RALA: variants seen among roughly 807,000 people sequenced by gnomAD.
RALA encodes the protein ras-related protein Ral-A.
In RALA, 5 loss-of-function variants were observed where a neutral mutation model predicts 24.0. The ratio of observed to expected loss-of-function variants is 0.21; its 90% confidence interval spans 0.11 to 0.44. The LOEUF (loss-of-function observed/expected upper bound fraction) is 0.44. Among genes scored for constraint, RALA ranks in the 20% least tolerant of loss-of-function variants. RALA has a pLI of 0.99. For synonymous variants in RALA, 77 were observed against 83.8 expected, an observed-to-expected ratio of 0.92 and a Z score of 0.44; for missense variants, 95 against 241.2, an observed-to-expected ratio of 0.39 and a Z score of 4.01.
intron 1 of RALA, among the ~76,000 whole-genome samples, chr7:39,654,008 TTA>T: frequency 6.6e-6 from 1 of 152,288 alleles, no homozygotes; most frequent in Middle Eastern, 3.4e-3. Context: ...CTGATAGAAG[TTA>T]TATCCAGAAT....
chr7:39,674,793 T>C (rs1487223308), intron 1 of RALA, among the ~76,000 whole-genome samples: 3 of 151,332 alleles, frequency 2.0e-5, no homozygotes, highest in Non-Finnish European at 4.4e-5. Context: ...ACTTTATACA[T>C]ATAGCAGCCT....
At chr7:39,642,090 C>T (rs986770023) in intron 1 of RALA, among the ~76,000 whole-genome samples, 19 of 152,162 alleles carry the variant, frequency 1.2e-4, no homozygotes, top group African/African-American at 4.6e-4. Flanking sequence ...CACCTCTACC[C>T]ATCTTAGTTC....
chr7:39,663,821 G>A (rs936400246), intron 1 of RALA, among the ~76,000 whole-genome samples: 1 of 152,102 alleles, frequency 6.6e-6, no homozygotes, highest in Non-Finnish European at 1.5e-5. Flanking sequence ...AGCCATAGCT[G>A]TAGACTCCAA....
chr7:39,666,100 C>CT (rs928638322), intron 1 of RALA, among the ~76,000 whole-genome samples: 2 of 151,892 alleles, frequency 1.3e-5, no homozygotes, highest in South Asian at 2.1e-4. Context: ...TTTAATCTCC[C>CT]TTTTTTTTCT....
chr7:39,662,334 C>T (rs1005063502), intron 1 of RALA, among the ~76,000 whole-genome samples: 4 of 152,154 alleles, frequency 2.6e-5, no homozygotes, highest in Non-Finnish European at 1.5e-5. Context: ...TTTCTGCAGA[C>T]GGCTTGAATT....
At chr7:39,671,636 G>A (rs555033478) in intron 1 of RALA, among the ~76,000 whole-genome samples, 2 of 152,240 alleles carry the variant, frequency 1.3e-5, no homozygotes, top group Non-Finnish European at 1.5e-5. Context: ...TTAAGATTCT[G>A]TGCTTTGATG....
chr7:39,644,188 G>A (rs1164293544), intron 1 of RALA, among the ~76,000 whole-genome samples: 1 of 151,236 alleles, frequency 6.6e-6, no homozygotes, highest in Non-Finnish European at 1.5e-5. Flanking sequence ...TGGTCTTGCT[G>A]GGAAATTCCT....
intron 1 of RALA, among the ~76,000 whole-genome samples, chr7:39,635,554 C>T (rs1251867375): frequency 6.6e-6 from 1 of 152,168 alleles, no homozygotes; most frequent in Non-Finnish European, 1.5e-5. Context: ...TCTCTCTCTA[C>T]AGCAGTGGTC....
intron 1 of RALA, among the ~76,000 whole-genome samples, chr7:39,665,480 G>C (rs907349912): frequency 1.3e-5 from 2 of 152,144 alleles, no homozygotes; most frequent in Non-Finnish European, 1.5e-5. Context: ...ATTTTCGACT[G>C]CACACAGTGG....
At chr7:39,677,230 A>G (rs910392139) in intron 1 of RALA, among the ~76,000 whole-genome samples, 1 of 152,180 alleles carries the variant, frequency 6.6e-6, no homozygotes, top group Non-Finnish European at 1.5e-5. Flanking sequence ...CCCTGTTGGC[A>G]TCTTCTTTTT....
At chr7:39,625,638 T>A (rs1374365596) in intron 1 of RALA, among the ~76,000 whole-genome samples, 1 of 152,226 alleles carries the variant, frequency 6.6e-6, no homozygotes, top group Non-Finnish European at 1.5e-5. Context: ...GTTTGCTGAG[T>A]GTGCAATAAT....
intron 1 of RALA, among the ~76,000 whole-genome samples, chr7:39,643,428 G>A (rs1394014268): frequency 6.6e-6 from 1 of 152,152 alleles, no homozygotes; most frequent in Non-Finnish European, 1.5e-5. Flanking sequence ...GGAAGAAAGA[G>A]GCAGAAAAAC....
At chr7:39,658,757 AT>A (rs1263495103) in intron 1 of RALA, among the ~76,000 whole-genome samples, 1 of 151,276 alleles carries the variant, frequency 6.6e-6, no homozygotes, top group Non-Finnish European at 1.5e-5. Flanking sequence ...TTTTATTTTA[AT>A]TTTTTTTAGG....
At chr7:39,637,711 T>C (rs1484229860) in intron 1 of RALA, among the ~76,000 whole-genome samples, 1 of 152,240 alleles carries the variant, frequency 6.6e-6, no homozygotes, top group Non-Finnish European at 1.5e-5. Flanking sequence ...GAGAGTGCTA[T>C]TTCCTCCCAG....
chr7:39,669,601 C>CA (rs1792345134), intron 1 of RALA, among the ~76,000 whole-genome samples: 1 of 151,832 alleles, frequency 6.6e-6, no homozygotes, highest in Non-Finnish European at 1.5e-5. Context: ...CACTTGAGGC[C>CA]AGGAGTTCAA....
intron 1 of RALA, among the ~76,000 whole-genome samples, chr7:39,635,672 T>G (rs1007901127): frequency 4.6e-5 from 7 of 152,140 alleles, no homozygotes; most frequent in Non-Finnish European, 8.8e-5. Flanking sequence ...CCACTTCAAA[T>G]CATCAGGCAT....
chr7:39,678,639 A>G (rs915017872), intron 1 of RALA, among the ~76,000 whole-genome samples: 1 of 152,188 alleles, frequency 6.6e-6, no homozygotes, highest in African/African-American at 2.4e-5. Flanking sequence ...TAAGTCACAC[A>G]ATTTGGAATT....
chr7:39,698,570 G>T (rs2116104144), intron 4 of RALA, among the ~76,000 whole-genome samples: 1 of 152,194 alleles, frequency 6.6e-6, no homozygotes, highest in African/African-American at 2.4e-5. Context: ...TAAGATTGAG[G>T]GTGTTTGAGG....
rs1431573376 is a variant in RALA at position 39,707,005 on chromosome 7, A to G, written c.*760A>G. On this transcript the variant is annotated 3_prime_UTR_variant, in exon 5 of 5. Transcript: ENST00000005257. ...TAACTGTCCGCTAGAAGTCTGTCCA[A>G]ATTTAAAATGTGTGCCATATTCTGG... 2.0e-5 allele frequency: 3 copies of G among 152,638 alleles called. No homozygotes were observed. Among genetic ancestry groups the G allele is most frequent in the African/African-American group, 2.4e-5 (1 of 41,448 alleles). The allele number at this position is 152,638 out of a possible 1,614,324, so 9.5% of individuals were successfully genotyped here.
Sources: gnomAD v4.1 joint callset for allele counts (sites outside exome capture counted in the v4.1 genomes callset) on GRCh38, gnomAD v4.1.1 for gene constraint, MANE v1.5 for transcripts, NCBI Gene and HGNC (gene_info 2026-07-23, HGNC 2026-07-21) for gene names.